PTPRR: variants seen among roughly 807,000 people sequenced by gnomAD.
The protein encoded by PTPRR is protein tyrosine phosphatase receptor type R, also known as receptor-type tyrosine-protein phosphatase R.
PTPRR carries 38 observed loss-of-function variants against 77.2 expected under a neutral mutation model. That is an observed-to-expected ratio of 0.49 (90% CI 0.38 to 0.65). PTPRR has a LOEUF of 0.65. PTPRR is among the 30% of genes least tolerant of loss of function. The probability of loss-of-function intolerance (pLI) is 0.00; values close to 1 mark genes in which losing one functional copy is unlikely to be tolerated. For synonymous variants in PTPRR, 299 were observed against 283.1 expected, an observed-to-expected ratio of 1.06 and a Z score of -0.57; for missense variants, 744 against 799.2, an observed-to-expected ratio of 0.93 and a Z score of 0.83.
chr12:70,716,230 A>G (rs1889023657), intron 6 of PTPRR, among the ~76,000 whole-genome samples: 3 of 152,146 alleles, frequency 2.0e-5, no homozygotes, highest in East Asian at 3.9e-4. Flanking sequence ...GACATGCTAG[A>G]AAACACTCAG....
chr12:70,848,551 T>C (rs552267485), intron 2 of PTPRR, among the ~76,000 whole-genome samples: 10 of 152,300 alleles, frequency 6.6e-5, no homozygotes, highest in African/African-American at 2.2e-4. Context: ...CTGAAACTCC[T>C]GACCTCAAGT....
At chr12:70,793,214 A>T (rs74101601) in intron 2 of PTPRR, among the ~76,000 whole-genome samples, 1,669 of 152,314 alleles carry the variant, frequency 0.011, 36 homozygotes, top group African/African-American at 0.037. Context: ...CAGGTTACAC[A>T]ATTCTGACTG....
chr12:70,643,844 T>G (rs1886099974), intron 13 of PTPRR, among the ~76,000 whole-genome samples: 1 of 152,078 alleles, frequency 6.6e-6, no homozygotes, highest in African/African-American at 2.4e-5. Context: ...CACTGCAGCC[T>G]CAACCTCCCA....
At chr12:70,729,471 G>C (rs1338475418) in intron 6 of PTPRR, among the ~76,000 whole-genome samples, 1 of 152,118 alleles carries the variant, frequency 6.6e-6, no homozygotes, top group Non-Finnish European at 1.5e-5. Flanking sequence ...GGAATATCTA[G>C]AAATATTACA....
At chr12:70,648,490 A>G (rs754288454) in intron 13 of PTPRR, among the ~76,000 whole-genome samples, 42 of 152,180 alleles carry the variant, frequency 2.8e-4, no homozygotes, top group Admixed American at 7.9e-4. Context: ...TGCAAGCATT[A>G]AAATACAACA....
At chr12:70,736,833 G>A (rs1889878624) in intron 6 of PTPRR, among the ~76,000 whole-genome samples, 1 of 152,204 alleles carries the variant, frequency 6.6e-6, no homozygotes. Flanking sequence ...AGAATGAATG[G>A]TGTTTATTTG....
At chr12:70,914,198 C>A (rs1473139808) in intron 1 of PTPRR, among the ~76,000 whole-genome samples, 2 of 152,016 alleles carry the variant, frequency 1.3e-5, no homozygotes, top group Non-Finnish European at 2.9e-5. Flanking sequence ...ACATGGCAAA[C>A]CAAAGGAAAT....
At chr12:70,835,530 G>A (rs76411876) in intron 2 of PTPRR, among the ~76,000 whole-genome samples, 6,131 of 152,072 alleles carry the variant, frequency 0.04, 165 homozygotes, top group African/African-American at 0.08. Flanking sequence ...ATCATCATGA[G>A]ATATTGTTAC....
intron 10 of PTPRR, among the ~76,000 whole-genome samples, chr12:70,674,606 T>TG (rs1286761829): frequency 6.6e-6 from 1 of 152,180 alleles, no homozygotes; most frequent in Non-Finnish European, 1.5e-5. Flanking sequence ...GAAGCATATA[T>TG]GTACAGTTAT....
chr12:70,828,959 C>T (rs572835284), intron 2 of PTPRR, among the ~76,000 whole-genome samples: 28 of 152,028 alleles, frequency 1.8e-4, no homozygotes, highest in East Asian at 3.9e-4. Context: ...GGCAAGGTGC[C>T]GGGGATACAA....
intron 2 of PTPRR, among the ~76,000 whole-genome samples, chr12:70,790,713 C>T (rs576968939): frequency 3.9e-5 from 6 of 152,192 alleles, no homozygotes; most frequent in African/African-American, 9.6e-5. Context: ...TCTTCCTTTC[C>T]GTAACTAGCA....
intron 2 of PTPRR, among the ~76,000 whole-genome samples, chr12:70,767,683 A>T (rs1890862104): frequency 6.6e-6 from 1 of 152,208 alleles, no homozygotes; most frequent in South Asian, 2.1e-4. Flanking sequence ...CATCTACAGA[A>T]TTCTCCATCC....
intron 10 of PTPRR, among the ~76,000 whole-genome samples, chr12:70,682,754 C>T (rs1887723094): frequency 6.6e-6 from 1 of 152,052 alleles, no homozygotes; most frequent in South Asian, 2.1e-4. Flanking sequence ...TTGTCAGTGG[C>T]TTAATATGTT....
At position 70,754,241 on chromosome 12, in the gene PTPRR, C is replaced by T; in HGVS notation, c.688G>A (p.Ala230Thr). The T allele has an allele frequency of 6.2e-7, 1 of 1,613,728 alleles. No homozygotes were observed. The highest frequency in any genetic ancestry group is 8.5e-7 in the Non-Finnish European group (1 of 1,179,786). Residue 230 changes from alanine (A) to threonine (T), a missense_variant, in exon 5 of 14, where the codon GCT becomes ACT. Physicochemically the swap from Ala to Thr is moderately conservative, Grantham distance 58 (BLOSUM62 0). Around this residue, in one of 3 missense-constraint regions of PTPRR, gnomAD observed 570 missense variants for 573.2 expected, o/e 0.99. Coordinates refer to ENST00000283228, the MANE Select transcript of PTPRR (RefSeq NM_002849.4). ...DKIWSKEGFY[A>T]VVIFLSIFVI... Reference sequence around the variant, plus strand: ...AAGATGCTGAGAAAAATGACAACAGCATAAAATCCTTCTTTGCTCCAGATT... The same window carrying T: ...AAGATGCTGAGAAAAATGACAACAGTATAAAATCCTTCTTTGCTCCAGATT...
chr12:70,699,544 T>C (rs1001699687), intron 7 of PTPRR, among the ~76,000 whole-genome samples: 19 of 152,266 alleles, frequency 1.2e-4, no homozygotes, highest in African/African-American at 4.3e-4. Flanking sequence ...ACTCCTGGGC[T>C]CAAGGCATCC....
intron 13 of PTPRR, among the ~76,000 whole-genome samples, chr12:70,654,521 C>T (rs1034516987): frequency 4.6e-5 from 7 of 151,992 alleles, no homozygotes; most frequent in South Asian, 4.1e-4. Flanking sequence ...GGCAACAGAG[C>T]GAGACTCTGT....
intron 13 of PTPRR, among the ~76,000 whole-genome samples, chr12:70,652,757 A>T (rs1033605769): frequency 6.6e-6 from 1 of 152,208 alleles, no homozygotes; most frequent in Non-Finnish European, 1.5e-5. Context: ...GAGCAGATAG[A>T]GGAGGCATTG....
At chr12:70,810,097 T>C (rs1488090138) in intron 2 of PTPRR, among the ~76,000 whole-genome samples, 1 of 152,214 alleles carries the variant, frequency 6.6e-6, no homozygotes, top group Non-Finnish European at 1.5e-5. Context: ...TCATCATGTT[T>C]CACTATTTAT....
intron 1 of PTPRR, among the ~76,000 whole-genome samples, chr12:70,913,968 A>C (rs2137139232): frequency 6.6e-6 from 1 of 152,290 alleles, no homozygotes. Context: ...TTCTCAAAAA[A>C]CTTCAGTATA....
Sources: gnomAD v4.1 joint callset for allele counts (sites outside exome capture counted in the v4.1 genomes callset) on GRCh38, gnomAD v4.1.1 for gene constraint, gnomAD v4.1.1 regional missense constraint, MANE v1.5 for transcripts, NCBI Gene and HGNC (gene_info 2026-07-23, HGNC 2026-07-21) for gene names.